The following CEP112 variants were observed in gnomAD, a reference collection of about 807,000 sequenced individuals.
The protein encoded by CEP112 is centrosomal protein 112, also known as centrosomal protein of 112 kDa.
In CEP112, 127 loss-of-function variants were observed where a neutral mutation model predicts 153.0. The ratio of observed to expected loss-of-function variants is 0.83; its 90% CI spans 0.72 to 0.96. The LOEUF is 0.96. Among genes scored for constraint, CEP112 ranks in the 40% least tolerant of loss-of-function variants. CEP112 has a pLI of 0.00. For synonymous variants in CEP112, 358 were observed against 374.4 expected (o/e 0.96, Z 0.51); for missense variants, 1,089 against 1,101.2 (o/e 0.99, Z 0.16).
intron 25 of CEP112, among the ~76,000 whole-genome samples, chr17:65,639,836 C>CCT (rs2045006678): frequency 9.0e-6 from 1 of 110,966 alleles, no homozygotes; most frequent in Non-Finnish European, 1.7e-5. Context: ...CTCTTTCTTT[C>CCT]TTTTTTTTTT....
chr17:65,658,651 A>G (rs2143774433), intron 24 of CEP112, among the ~76,000 whole-genome samples: 1 of 152,268 alleles, frequency 6.6e-6, no homozygotes, highest in Non-Finnish European at 1.5e-5. Flanking sequence ...AAGCAGGACT[A>G]GAGGCCCAAG....
chr17:66,129,527 T>G (rs2146519473), intron 6 of CEP112, among the ~76,000 whole-genome samples: 1 of 152,330 alleles, frequency 6.6e-6, no homozygotes, highest in East Asian at 1.9e-4. Flanking sequence ...TATCTCTTAT[T>G]TCACACATAA....
intron 17 of CEP112, among the ~76,000 whole-genome samples, chr17:65,992,730 C>A (rs571058296): frequency 1.3e-5 from 2 of 152,258 alleles, no homozygotes; most frequent in East Asian, 1.9e-4. Flanking sequence ...TTTTCACCAA[C>A]CTTACAAACA....
chr17:65,753,857 T>C lies in CEP112; in HGVS notation c.2395-3133A>G, dbSNP rs948753278. ...CTAAAAATGCTAGAGTCACGGATAATAGTTAGTGCAGGAAGGCCTGTGTCT... is the reference window on the plus strand; with the variant it reads ...CTAAAAATGCTAGAGTCACGGATAACAGTTAGTGCAGGAAGGCCTGTGTCT... On this transcript the variant is annotated intron_variant, in intron 21 of 26. Coordinates refer to ENST00000535342, the MANE Select transcript of CEP112 (RefSeq NM_001199165.4). 5.3e-5 allele frequency among the ~76,000 whole-genome samples: 8 copies of C among 152,158 alleles called. No individual in the cohort carries two copies. In the South Asian group the frequency reaches 6.2e-4, roughly 12 times the overall value.
intron 17 of CEP112, among the ~76,000 whole-genome samples, chr17:65,987,165 G>A (rs143894885): frequency 3.9e-4 from 59 of 152,190 alleles, no homozygotes; most frequent in East Asian, 3.9e-3. Context: ...AAAGAAGACC[G>A]TCTCTATGAA....
chr17:65,640,812 A>C, intron 25 of CEP112, 152 bp downstream of exon 25: 1 of 568,066 alleles, frequency 1.8e-6, no homozygotes. Flanking sequence ...TAAGAAAAAA[A>C]TTTAAAACAA....
At chr17:65,851,514 A>G (rs1474098876) in intron 21 of CEP112, among the ~76,000 whole-genome samples, 2 of 152,208 alleles carry the variant, frequency 1.3e-5, no homozygotes, top group East Asian at 3.8e-4. Context: ...ATAATATTGG[A>G]CAATATTATA....
intron 23 of CEP112, among the ~76,000 whole-genome samples, chr17:65,704,852 G>A (rs190329418): frequency 3.3e-5 from 5 of 152,256 alleles, no homozygotes; most frequent in Non-Finnish European, 5.9e-5. Flanking sequence ...AAAACTTTCC[G>A]TTTAAACCAC....
intron 8 of CEP112, among the ~76,000 whole-genome samples, chr17:66,075,866 C>A (rs1666990670): frequency 6.6e-6 from 1 of 152,116 alleles, no homozygotes. Context: ...CGGGAGACAC[C>A]CCAAATACTG....
intron 19 of CEP112, among the ~76,000 whole-genome samples, chr17:65,912,490 A>T (rs1398660263): frequency 6.6e-6 from 1 of 152,122 alleles, no homozygotes; most frequent in Admixed American, 6.5e-5. Flanking sequence ...TAAAGGCCAT[A>T]TCCTCTAGGC....
intron 20 of CEP112, among the ~76,000 whole-genome samples, chr17:65,900,706 C>T (rs1225613301): frequency 6.6e-6 from 1 of 152,130 alleles, no homozygotes; most frequent in Non-Finnish European, 1.5e-5. Flanking sequence ...TAAGGTTTAA[C>T]ATCATATTTG....
chr17:66,157,485 AC>A (rs551117469), intron 4 of CEP112, among the ~76,000 whole-genome samples: 49 of 152,278 alleles, frequency 3.2e-4, no homozygotes, highest in African/African-American at 1.2e-3. Context: ...AGGCAAAATA[AC>A]CAGCTAGCAT....
At position 66,019,079 on chromosome 17, in the gene CEP112, T is replaced by A. The variant is rs182649384; in HGVS notation, c.1656+8422A>T. Among the ~76,000 whole-genome samples, 6 of 152,320 alleles carry A rather than the reference T, an allele frequency of 3.9e-5. No individual in the cohort carries two copies. In the East Asian group the frequency reaches 1.2e-3, roughly 29 times the overall value. ...GATCTTAAGAGCAGACAATAGCCAC[T>A]AGAGATCAATAAAGACCATTACATA... On this transcript the variant is annotated intron_variant, in intron 16 of 26. Coordinates refer to ENST00000535342, the MANE Select transcript of CEP112 (RefSeq NM_001199165.4).
intron 24 of CEP112, among the ~76,000 whole-genome samples, chr17:65,668,330 A>G (rs1423520241): frequency 6.6e-6 from 1 of 152,182 alleles, no homozygotes; most frequent in Non-Finnish European, 1.5e-5. Context: ...TCCTTCACTA[A>G]TCCCCAGGGC....
chr17:65,927,717 T>G lies in CEP112; in HGVS notation c.1873-28A>C, dbSNP rs769323795. The G allele has an allele frequency of 2.7e-5, 37 of 1,384,144 alleles. No individual in the cohort carries two copies. The East Asian group carries it at 5.7e-4, about 21-fold the overall frequency. The allele number at this position is 1,384,144 out of a possible 1,614,324, so 85.7% of individuals were successfully genotyped here. A position where few individuals can be genotyped will look rare whatever the true frequency, so the allele number is the denominator to read the frequency against. ...ATAAAATTTAAAAATCAAATATTAATTTTTTAAACAAACAATTGTGTTCCA... is the reference window on the plus strand; with the variant it reads ...ATAAAATTTAAAAATCAAATATTAAGTTTTTAAACAAACAATTGTGTTCCA... On this transcript the variant is annotated intron_variant, in intron 18 of 26. Transcript: ENST00000535342.
At position 66,014,781 on chromosome 17, in the gene CEP112, C is replaced by T. The variant is rs377335575; in HGVS notation, c.1657-9012G>A. ...GCTTCCTCCCCTTTCAGCCCAGTGT[C>T]TCTGTCCTCCCTCTGTCCACTCTCA... On this transcript the variant is annotated intron_variant, in intron 16 of 26. Coordinates refer to ENST00000535342, the MANE Select transcript of CEP112 (RefSeq NM_001199165.4). Among the ~76,000 whole-genome samples, 9 of 152,340 alleles carry T rather than the reference C, an allele frequency of 5.9e-5. No individual in the cohort carries two copies. The East Asian group carries it at 1.4e-3, about 23-fold the overall frequency.
At chr17:65,791,414 T>C (rs1237668811) in intron 21 of CEP112, among the ~76,000 whole-genome samples, 3 of 152,184 alleles carry the variant, frequency 2.0e-5, no homozygotes, top group Non-Finnish European at 4.4e-5. Context: ...TGGTTGCTTC[T>C]GATAATCAGC....
At chr17:66,181,793 A>T (rs1476189623) in intron 2 of CEP112, among the ~76,000 whole-genome samples, 3 of 151,876 alleles carry the variant, frequency 2.0e-5, no homozygotes, top group Non-Finnish European at 1.5e-5. Context: ...ATATCAGAAG[A>T]GGATGCAATA....
In CEP112 at chr17:66,089,666, G is replaced by C. The variant is rs112270264; in HGVS notation, c.768+6585C>G. The stretch of plus-strand genomic sequence containing the variant: ...AGGAAAAAGACTGGAAAGGAATGAC[G>C]AAAGTTTACAGGACGTATGGGACAG... On this transcript the variant is annotated intron_variant, in intron 8 of 26. Transcript: ENST00000535342. Among the ~76,000 whole-genome samples, 942 of 152,138 alleles carry C rather than the reference G, an allele frequency of 6.2e-3. 8 individuals are homozygous for C. The highest frequency in any genetic ancestry group is 0.022 in the African/African-American group (903 of 41,522).
Sources: allele counts gnomAD v4.1 joint callset (sites outside exome capture counted in the v4.1 genomes callset), GRCh38; gene constraint gnomAD v4.1.1; transcripts MANE v1.5; gene names NCBI Gene and HGNC (gene_info 2026-07-23, HGNC 2026-07-21).